Variants in TF observed in about 807,000 individuals in gnomAD.
TF encodes the protein serotransferrin.
A neutral mutation model predicts 82.4 loss-of-function variants in TF; 55 were observed. The ratio of observed to expected loss-of-function variants is 0.67; its 90% CI spans 0.54 to 0.84. TF has a LOEUF of 0.84. Among genes scored for constraint, TF ranks in the 40% least tolerant of loss-of-function variants. The pLI is 0.00. For synonymous variants in TF, 332 were observed against 332.6 expected (o/e 1.00, Z 0.02); for missense variants, 737 against 868.4 (o/e 0.85, Z 1.90).
At chr3:133,770,394 G>A in intron 13 of TF, 114 bp from the exon 14 acceptor site, 1 of 899,782 alleles carries the variant, frequency 1.1e-6, no homozygotes, top group Non-Finnish European at 1.9e-6. Context: ...TAGAATGGAA[G>A]TTACAGTTGC....
chr3:133,682,069 T>C, the TF span, among the ~76,000 whole-genome samples: 2 of 152,160 alleles, frequency 1.3e-5, no homozygotes, highest in Non-Finnish European at 2.9e-5. Flanking sequence ...CAGGCTCCAT[T>C]GGTGATACCC....
intron 13 of TF, 47 bp downstream of exon 13, chr3:133,768,211 G>A (rs900581906): frequency 1.2e-6 from 2 of 1,611,204 alleles, no homozygotes; most frequent in Non-Finnish European, 1.7e-6. Flanking sequence ...ACAAGCCCTG[G>A]CCAGATTTCT....
chr3:133,695,975 A>G, the TF span, among the ~76,000 whole-genome samples: 1 of 152,216 alleles, frequency 6.6e-6, no homozygotes, highest in Non-Finnish European at 1.5e-5. Context: ...CACTATCAGA[A>G]CAGCAAGCAA....
the TF span, among the ~76,000 whole-genome samples, chr3:133,696,952 A>C: frequency 1.3e-5 from 2 of 152,222 alleles, no homozygotes; most frequent in South Asian, 4.1e-4. Flanking sequence ...AAAACATTTG[A>C]AATACATGTA....
At chr3:133,693,181 C>T in the TF span, among the ~76,000 whole-genome samples, 1 of 152,196 alleles carries the variant, frequency 6.6e-6, no homozygotes, top group Non-Finnish European at 1.5e-5. Context: ...AGTCGCTTGG[C>T]TTGACAAGGG....
the TF span, among the ~76,000 whole-genome samples, chr3:133,729,300 G>A: frequency 1.3e-5 from 2 of 152,224 alleles, no homozygotes; most frequent in African/African-American, 4.8e-5. Context: ...TTGAGCTGTG[G>A]TGGGCTCCAC....
At chr3:133,752,058 A>T (rs1933687397) in intron 2 of TF, among the ~76,000 whole-genome samples, 1 of 152,020 alleles carries the variant, frequency 6.6e-6, no homozygotes, top group Non-Finnish European at 1.5e-5. Context: ...CTTGATTGTA[A>T]CACAACAAAG....
the TF span, among the ~76,000 whole-genome samples, chr3:133,676,117 T>A: frequency 6.6e-6 from 1 of 152,190 alleles, no homozygotes; most frequent in Non-Finnish European, 1.5e-5. Flanking sequence ...CCAGTACTTT[T>A]ACCATACAAC....
intron 1 of TF, among the ~76,000 whole-genome samples, chr3:133,746,842 T>C (rs1217727809): frequency 6.6e-6 from 1 of 152,204 alleles, no homozygotes; most frequent in Non-Finnish European, 1.5e-5. Flanking sequence ...ACCATTCCCC[T>C]TTCAGAGGCT....
At chr3:133,750,907 G>A (rs1933644864) in intron 2 of TF, among the ~76,000 whole-genome samples, 1 of 152,156 alleles carries the variant, frequency 6.6e-6, no homozygotes, top group African/African-American at 2.4e-5. Flanking sequence ...ATTCAACAAT[G>A]TGAGGACTGG....
chr3:133,757,547 C>T (rs923012553), intron 7 of TF, among the ~76,000 whole-genome samples: 40 of 152,220 alleles, frequency 2.6e-4, no homozygotes, highest in Non-Finnish European at 1.6e-4. Flanking sequence ...TCAACCCGTT[C>T]CGGGAGACAG....
the TF span, chr3:133,699,502 C>T: frequency 3.5e-6 from 4 of 1,143,348 alleles, no homozygotes; most frequent in East Asian, 1.9e-4. Flanking sequence ...CTGAACAACA[C>T]CCAGAAGCTG....
intron 14 of TF, 85 bp from the exon 15 acceptor site, chr3:133,775,348 C>T: frequency 4.8e-6 from 7 of 1,444,370 alleles, no homozygotes; most frequent in Non-Finnish European, 6.8e-6. Context: ...CCCAGGTTCT[C>T]TACACACCAC....
intron 14 of TF, among the ~76,000 whole-genome samples, chr3:133,772,571 C>T (rs1486971148): frequency 2.0e-5 from 3 of 152,160 alleles, no homozygotes; most frequent in Admixed American, 2.0e-4. Context: ...ATATACAACT[C>T]AACTGTCCTC....
In TF at chr3:133,790,319, C is replaced by T; in HGVS notation, c.*11699C>T. 1 of 152,140 alleles carries T rather than the reference C, an allele frequency of 6.6e-6. No individual in the cohort carries two copies. The highest frequency in any genetic ancestry group is 1.5e-5 in the Non-Finnish European group (1 of 68,004). 9.4% of individuals were successfully genotyped at this position (152,140 alleles called of 1,614,324 possible). On this transcript the variant is annotated 3_prime_UTR_variant, in exon 17 of 17. Transcript: ENST00000402696. ...CAGGATTTCTAGCTTTTTAGCGTTT[C>T]ACTAAAGTTTTAGGTTACTAAGGAT...
At chr3:133,723,773 C>T in the TF span, among the ~76,000 whole-genome samples, 1 of 151,468 alleles carries the variant, frequency 6.6e-6, no homozygotes, top group Non-Finnish European at 1.5e-5. Flanking sequence ...CGTCATTTAG[C>T]ATTAGGTATA....
At chr3:133,731,654 T>C in the TF span, among the ~76,000 whole-genome samples, 11 of 152,232 alleles carry the variant, frequency 7.2e-5, no homozygotes, top group African/African-American at 2.7e-4. Context: ...TCACCATCTA[T>C]TGGTGTCATT....
chr3:133,726,180 T>C, the TF span, among the ~76,000 whole-genome samples: 1 of 152,198 alleles, frequency 6.6e-6, no homozygotes, highest in Non-Finnish European at 1.5e-5. Context: ...ATAAAATGAG[T>C]AAGGGAGGAT....
At chr3:133,742,577 C>T (rs183335172), upstream of TF, among the ~76,000 whole-genome samples, 692 of 152,258 alleles carry the variant, frequency 4.5e-3, 7 homozygotes, top group Middle Eastern at 0.01. Flanking sequence ...CCATACAGCC[C>T]GACCCAGCGG....
Sources: gnomAD v4.1 joint callset for allele counts (sites outside exome capture counted in the v4.1 genomes callset) on GRCh38, gnomAD v4.1.1 for gene constraint, MANE v1.5 for transcripts, NCBI Gene and HGNC (gene_info 2026-07-23, HGNC 2026-07-21) for gene names.